Variants in NEK1 observed in about 807,000 individuals in gnomAD.
NEK1 encodes NIMA related kinase 1.
In NEK1, 137 loss-of-function variants were observed where a neutral mutation model predicts 182.1. That is an observed-to-expected ratio of 0.75 (90% confidence interval 0.65 to 0.87). The LOEUF (loss-of-function observed/expected upper bound fraction) is 0.87, where lower values mean the gene tolerates loss of function less well. Among genes scored for constraint, NEK1 ranks in the 40% least tolerant of loss-of-function variants. The probability of loss-of-function intolerance (pLI) is 0.00; values close to 1 mark genes in which losing one functional copy is unlikely to be tolerated. For synonymous variants in NEK1, 513 were observed against 492.2 expected, an observed-to-expected ratio of 1.04 and a Z score of -0.56; for missense variants, 1,391 against 1,494.4, an observed-to-expected ratio of 0.93 and a Z score of 1.14.
chr4:169,486,305 T>C (rs4475108), intron 23 of NEK1, among the ~76,000 whole-genome samples: 10,862 of 152,186 alleles, frequency 0.071, 1,274 homozygotes, highest in African/African-American at 0.25. Context: ...CGTGTCAATT[T>C]TGCCATGTGC....
intron 19 of NEK1, among the ~76,000 whole-genome samples, chr4:169,528,864 AG>A (rs1213724194): frequency 6.6e-6 from 1 of 152,202 alleles, no homozygotes; most frequent in Non-Finnish European, 1.5e-5. Flanking sequence ...ATCATACACT[AG>A]ATCAAAGTAC....
At chr4:169,426,868 T>C (rs377055017) in intron 29 of NEK1, among the ~76,000 whole-genome samples, 16 of 151,764 alleles carry the variant, frequency 1.1e-4, no homozygotes, top group African/African-American at 2.4e-4. Flanking sequence ...CACAGAAAAA[T>C]AGAATAAGAT....
chr4:169,403,846 T>C (rs997724924), intron 32 of NEK1, among the ~76,000 whole-genome samples: 3 of 151,332 alleles, frequency 2.0e-5, no homozygotes, highest in African/African-American at 7.3e-5. Context: ...TTGGCTATCT[T>C]ATAAAATCTT....
intron 23 of NEK1, among the ~76,000 whole-genome samples, chr4:169,480,717 C>A (rs891748051): frequency 6.6e-6 from 1 of 151,932 alleles, no homozygotes; most frequent in Non-Finnish European, 1.5e-5. Flanking sequence ...TGAAAATATT[C>A]TTTTGATTTT....
intron 5 of NEK1, among the ~76,000 whole-genome samples, chr4:169,595,046 G>T (rs1769200517): frequency 1.3e-5 from 2 of 151,994 alleles, no homozygotes; most frequent in African/African-American, 4.8e-5. Flanking sequence ...CTCCTGAAAA[G>T]GACTACACTA....
intron 23 of NEK1, among the ~76,000 whole-genome samples, chr4:169,500,790 T>C (rs1331989923): frequency 2.6e-5 from 4 of 152,212 alleles, no homozygotes; most frequent in East Asian, 1.9e-4. Context: ...AAAAGAATGA[T>C]ACTTGCTGCC....
chr4:169,446,341 A>G (rs1740563518), intron 27 of NEK1, among the ~76,000 whole-genome samples: 1 of 152,182 alleles, frequency 6.6e-6, no homozygotes, highest in Admixed American at 6.5e-5. Flanking sequence ...ACAAAGAGCC[A>G]TTACAACAAA....
At chr4:169,411,913 C>T (rs943538704) in intron 31 of NEK1, among the ~76,000 whole-genome samples, 1 of 152,168 alleles carries the variant, frequency 6.6e-6, no homozygotes, top group Non-Finnish European at 1.5e-5. Context: ...CTGAGGAATA[C>T]CTTCATACCT....
In NEK1 at chr4:169,445,865, T is replaced by TATATATACACACACACAC. The variant is rs569539235; in HGVS notation, c.2588-7607_2588-7606insGTGTGTGTGTGTATATAT. ...AACTATATACATATATATATATATA[T>TATATATACACACACACAC]ACACACACACACACACACACATGCA... On this transcript the variant is annotated intron_variant, in intron 27 of 35. Coordinates refer to ENST00000507142, the MANE Select transcript of NEK1 (RefSeq NM_001199397.3). Among the ~76,000 whole-genome samples, 68 of 143,276 alleles carry TATATATACACACACACAC rather than the reference T, an allele frequency of 4.7e-4. 1 individual carries two copies. Among genetic ancestry groups the TATATATACACACACACAC allele is most frequent in the Non-Finnish European group, 7.6e-4 (51 of 66,990 alleles). The allele number at this position is 143,276 out of a possible 152,430, so 94.0% of individuals were successfully genotyped here.
chr4:169,431,896 C>G (rs1400041824), intron 29 of NEK1, among the ~76,000 whole-genome samples: 1 of 151,062 alleles, frequency 6.6e-6, no homozygotes, highest in Admixed American at 6.6e-5. Context: ...AAAAGATAAA[C>G]AAAAATAAAC....
intron 23 of NEK1, 28 bp downstream of exon 23, chr4:169,507,009 A>C (rs918185170): frequency 6.8e-7 from 1 of 1,475,138 alleles, no homozygotes; most frequent in Non-Finnish European, 9.3e-7. Flanking sequence ...TAATACAACC[A>C]GGATTAAGAA....
intron 23 of NEK1, among the ~76,000 whole-genome samples, chr4:169,483,589 G>C (rs112448483): frequency 6.6e-6 from 1 of 151,780 alleles, no homozygotes; most frequent in Non-Finnish European, 1.5e-5. Context: ...CAAATAGGCC[G>C]GGCGCAGTGG....
chr4:169,465,133 C>G (rs1184372664), intron 26 of NEK1, among the ~76,000 whole-genome samples: 1 of 151,982 alleles, frequency 6.6e-6, no homozygotes, highest in Non-Finnish European at 1.5e-5. Flanking sequence ...TAGTTTCATA[C>G]AGCCAAAATG....
chr4:169,447,445 T>C (rs1170068651), intron 27 of NEK1, among the ~76,000 whole-genome samples: 2 of 152,064 alleles, frequency 1.3e-5, no homozygotes, highest in East Asian at 3.8e-4. Context: ...AGGACAATAA[T>C]GAGTAATAAG....
chr4:169,537,773 T>C (rs144325159), intron 19 of NEK1, 36 bp downstream of exon 19: 2 of 1,462,738 alleles, frequency 1.4e-6, no homozygotes, highest in African/African-American at 1.4e-5. Flanking sequence ...GGAATACTAA[T>C]ACATTCAAAA....
chr4:169,409,038 G>A (rs1386230341), intron 31 of NEK1, among the ~76,000 whole-genome samples: 1 of 152,082 alleles, frequency 6.6e-6, no homozygotes, highest in East Asian at 1.9e-4. Context: ...GCTCTTTAAG[G>A]AAACTCCATA....
intron 32 of NEK1, among the ~76,000 whole-genome samples, chr4:169,405,056 T>C (rs139556505): frequency 8.3e-4 from 127 of 152,198 alleles, no homozygotes; most frequent in Non-Finnish European, 1.7e-3. Flanking sequence ...TGGCAAGAGG[T>C]AGATGTGGAG....
At position 169,394,386 on chromosome 4, in the gene NEK1, A is replaced by G. The variant is rs1018740663; in HGVS notation, c.*124T>C. 20 of 613,266 alleles carry G rather than the reference A, an allele frequency of 3.3e-5. No homozygotes were observed. The highest frequency in any genetic ancestry group is 5.4e-5 in the Non-Finnish European group (19 of 348,732). The allele number at this position is 613,266 out of a possible 1,614,324, so 38.0% of individuals were successfully genotyped here. On this transcript the variant is annotated 3_prime_UTR_variant, in exon 36 of 36. Coordinates refer to ENST00000507142, the MANE Select transcript of NEK1 (RefSeq NM_001199397.3). ...TTCTCCATCTTTTTCATGCAATAAGAAAGTCCATCTTAAATCTGATTTTTT... is the reference window on the plus strand; with the variant it reads ...TTCTCCATCTTTTTCATGCAATAAGGAAGTCCATCTTAAATCTGATTTTTT...
At chr4:169,577,756 A>T (rs951248883) in intron 11 of NEK1, among the ~76,000 whole-genome samples, 18 of 151,212 alleles carry the variant, frequency 1.2e-4, no homozygotes, top group African/African-American at 3.9e-4. Flanking sequence ...TCCGTCTCAA[A>T]AATAATAATA....
Sources: gnomAD v4.1 joint callset for allele counts (sites outside exome capture counted in the v4.1 genomes callset) on GRCh38, gnomAD v4.1.1 for gene constraint, MANE v1.5 for transcripts, NCBI Gene and HGNC (gene_info 2026-07-23, HGNC 2026-07-21) for gene names.